MAN1C1: variants seen among roughly 807,000 people sequenced by gnomAD.
MAN1C1 encodes mannosyl-oligosaccharide 1,2-alpha-mannosidase IC.
A neutral mutation model predicts 71.5 loss-of-function variants in MAN1C1; 49 were observed. The observed-to-expected ratio is 0.69, with a 90% CI of 0.54 to 0.87. The LOEUF (loss-of-function observed/expected upper bound fraction) is 0.87. Among genes scored for constraint, MAN1C1 ranks in the 40% least tolerant of loss-of-function variants. The pLI, the probability that MAN1C1 is intolerant of heterozygous loss-of-function variation, is 0.00. For synonymous variants in MAN1C1, 352 were observed against 343.7 expected, an observed-to-expected ratio of 1.02 and a Z score of -0.27; for missense variants, 743 against 835.0, an observed-to-expected ratio of 0.89 and a Z score of 1.36.
At chr1:25,691,954 T>C (rs765204367) in intron 2 of MAN1C1, among the ~76,000 whole-genome samples, 3 of 152,312 alleles carry the variant, frequency 2.0e-5, no homozygotes, top group East Asian at 1.9e-4. Context: ...CGTGAGAAAT[T>C]CATCCTCCCT....
At chr1:25,742,719 G>A (rs2047078921) in intron 2 of MAN1C1, among the ~76,000 whole-genome samples, 1 of 152,236 alleles carries the variant, frequency 6.6e-6, no homozygotes, top group Non-Finnish European at 1.5e-5. Context: ...GCACAAAGAG[G>A]TAGAATGGCT....
chr1:25,664,879 A>C (rs547230190), intron 1 of MAN1C1, among the ~76,000 whole-genome samples: 1 of 152,338 alleles, frequency 6.6e-6, no homozygotes, highest in African/African-American at 2.4e-5. Flanking sequence ...TACTTGGAGG[A>C]TCCGTCACTG....
At position 25,724,020 on chromosome 1, in the gene MAN1C1, G is replaced by C. The variant is rs1364175126; in HGVS notation, c.638-22648G>C. On this transcript the variant is annotated intron_variant, in intron 2 of 11. Coordinates refer to ENST00000374332, the MANE Select transcript of MAN1C1 (RefSeq NM_020379.4). The stretch of plus-strand genomic sequence containing the variant: ...TCCAGGCTGGGCAGGCCAAACGACT[G>C]CCTACCTTTTTTTTTTTTTTTTTTT... 2.0e-5 allele frequency among the ~76,000 whole-genome samples: 3 copies of C among 150,444 alleles called. No homozygotes were observed. The South Asian group carries it at 6.3e-4, about 32-fold the overall frequency.
At position 25,730,855 on chromosome 1, in the gene MAN1C1, C is replaced by A. The variant is rs2046899654; in HGVS notation, c.638-15813C>A. Among the ~76,000 whole-genome samples, 1 of 152,196 alleles carries A rather than the reference C, an allele frequency of 6.6e-6. No individual in the cohort carries two copies. Among genetic ancestry groups the A allele is most frequent in the African/African-American group, 2.4e-5 (1 of 41,444 alleles). On this transcript the variant is annotated intron_variant, in intron 2 of 11. Transcript: ENST00000374332. The surrounding 1 kb of genome is among the most constrained non-coding windows in gnomAD (Gnocchi z 4.3). ...GCACCCTTCACCTGATTCAGGCCAC[C>A]CACATCTGCGACAGGGTTATTGCTA...
At chr1:25,749,388 A>C in intron 4 of MAN1C1, 53 bp downstream of exon 4, 1 of 1,430,950 alleles carries the variant, frequency 7.0e-7, no homozygotes, top group Non-Finnish European at 9.7e-7. Flanking sequence ...AGGGCTTTGG[A>C]GAATATCCAG....
chr1:25,777,035 C>T (rs2047627962), intron 8 of MAN1C1, among the ~76,000 whole-genome samples: 2 of 152,126 alleles, frequency 1.3e-5, no homozygotes. Context: ...AGTCTGTGCC[C>T]CAGAGCCATG....
At chr1:25,701,179 C>G (rs1413595843) in intron 2 of MAN1C1, among the ~76,000 whole-genome samples, 2 of 152,220 alleles carry the variant, frequency 1.3e-5, no homozygotes, top group Non-Finnish European at 2.9e-5. Context: ...ATTGTGCAGC[C>G]CTGCCCTTGG....
chr1:25,720,927 G>C (rs2046756471), intron 2 of MAN1C1, among the ~76,000 whole-genome samples: 1 of 152,132 alleles, frequency 6.6e-6, no homozygotes, highest in African/African-American at 2.4e-5. Flanking sequence ...TGAAAAGACT[G>C]TTCTTTTCCG....
At chr1:25,646,747 G>A (rs1037481664) in intron 1 of MAN1C1, among the ~76,000 whole-genome samples, 4 of 152,184 alleles carry the variant, frequency 2.6e-5, no homozygotes, top group Non-Finnish European at 4.4e-5. Flanking sequence ...TAGTGTGTGC[G>A]AGAGTTTCTT....
At chr1:25,643,025 G>T (rs1182703169) in intron 1 of MAN1C1, among the ~76,000 whole-genome samples, 4 of 152,256 alleles carry the variant, frequency 2.6e-5, no homozygotes, top group Non-Finnish European at 5.9e-5. Context: ...GGGGACGTAG[G>T]TTCCCTTCTC....
chr1:25,777,560 A>G (rs11808792), intron 8 of MAN1C1: 5,530 of 152,066 alleles, frequency 0.036, 332 homozygotes, highest in African/African-American at 0.12. Context: ...GCGGCAGCCC[A>G]GGTGCCTGGC....
At chr1:25,644,519 T>TATATATATA (rs1553182595) in intron 1 of MAN1C1, 1 of 58,442 alleles carries the variant, frequency 1.7e-5, no homozygotes, top group African/African-American at 1.6e-4. Context: ...TATATATATA[T>TATATATATA]TTTTTTTTTT....
intron 1 of MAN1C1, among the ~76,000 whole-genome samples, chr1:25,685,324 C>T (rs1219802625): frequency 6.6e-6 from 1 of 152,254 alleles, no homozygotes; most frequent in Non-Finnish European, 1.5e-5. Context: ...CTGAGTATTT[C>T]CCAGCACACT....
intron 7 of MAN1C1, among the ~76,000 whole-genome samples, chr1:25,766,021 C>A (rs539881347): frequency 6.6e-6 from 1 of 152,252 alleles, no homozygotes; most frequent in Non-Finnish European, 1.5e-5. Flanking sequence ...AGGAGATAAA[C>A]CCCTCTGAGC....
intron 2 of MAN1C1, among the ~76,000 whole-genome samples, chr1:25,744,111 T>G (rs1275591780): frequency 2.0e-5 from 3 of 152,146 alleles, no homozygotes; most frequent in Non-Finnish European, 4.4e-5. Context: ...AACGTCTGGT[T>G]TGAGGTCCTG....
At chr1:25,744,940 C>A (rs2047108738) in intron 2 of MAN1C1, among the ~76,000 whole-genome samples, 1 of 152,228 alleles carries the variant, frequency 6.6e-6, no homozygotes, top group South Asian at 2.1e-4. Flanking sequence ...AATTACTCCT[C>A]TTAGGGTTAC....
chr1:25,712,697 C>T (rs1017101019), intron 2 of MAN1C1, among the ~76,000 whole-genome samples: 1 of 152,208 alleles, frequency 6.6e-6, no homozygotes. Context: ...AACCTACTCT[C>T]TCCCTGATGA....
chr1:25,748,233 C>T (rs2047164463), intron 3 of MAN1C1, among the ~76,000 whole-genome samples: 1 of 152,132 alleles, frequency 6.6e-6, no homozygotes, highest in Non-Finnish European at 1.5e-5. Flanking sequence ...CGACCTCGAA[C>T]CTTGACTTTC....
intron 5 of MAN1C1, among the ~76,000 whole-genome samples, chr1:25,755,807 C>T (rs2047277809): frequency 6.6e-6 from 1 of 152,228 alleles, no homozygotes; most frequent in East Asian, 1.9e-4. Flanking sequence ...TGTGGAGCAG[C>T]CCCTCCTGCC....
Sources: allele counts gnomAD v4.1 joint callset (sites outside exome capture counted in the v4.1 genomes callset), GRCh38; gene constraint gnomAD v4.1.1; non-coding constraint Gnocchi (gnomAD v3.1); transcripts MANE v1.5; gene names NCBI Gene and HGNC (gene_info 2026-07-23, HGNC 2026-07-21).